The following MYH7B variants were observed in gnomAD, a reference collection of about 807,000 sequenced individuals.
The protein encoded by MYH7B is myosin-7B.
Under a neutral mutation model 234.5 loss-of-function variants are expected in MYH7B, and 205 were observed. The ratio of observed to expected loss-of-function variants is 0.87; its 90% CI spans 0.78 to 0.98. The LOEUF is 0.98. Among genes scored for constraint, MYH7B ranks in the 50% least tolerant of loss-of-function variants. The pLI is 0.00. For missense variants in MYH7B, 2,652 were observed against 2,633.4 expected (o/e 1.01, Z -0.15); for synonymous variants, 1,193 against 1,105.0 (o/e 1.08, Z -1.58).
At chr20:34,983,750 TG>T (rs1191071602) in intron 10 of MYH7B, among the ~76,000 whole-genome samples, 2 of 152,160 alleles carry the variant, frequency 1.3e-5, no homozygotes, top group Non-Finnish European at 2.9e-5. Flanking sequence ...GGGAGTGTAT[TG>T]GGGGGTTCCA....
At chr20:34,997,395 C>T (rs1429025014) in exon 32 of MYH7B, 26 of 1,490,642 alleles carry the variant, frequency 1.7e-5, no homozygotes, top group Admixed American at 5.3e-5. Flanking sequence ...CGCGGGGCAG[C>T]GCGAGGGCTG....
chr20:34,980,908 C>G, intron 8 of MYH7B, 125 bp from the exon 9 acceptor site: 5 of 1,505,350 alleles, frequency 3.3e-6, no homozygotes, highest in African/African-American at 1.4e-5. Flanking sequence ...GGGACAGCCC[C>G]ACCTGCTCCT....
intron 24 of MYH7B, among the ~76,000 whole-genome samples, chr20:34,991,624 T>G (rs2147212703): frequency 6.6e-6 from 1 of 152,238 alleles, no homozygotes; most frequent in East Asian, 1.9e-4. Context: ...AGGATGCAGA[T>G]TTGGGAGTTG....
intron 35 of MYH7B, 56 bp downstream of exon 35, chr20:34,998,971 GC>G: frequency 6.3e-7 from 1 of 1,586,214 alleles, no homozygotes; most frequent in Admixed American, 1.7e-5. Flanking sequence ...CTGTGCCTGA[GC>G]CCCGCTGAGG....
Position 34,996,712 on chromosome 20 carries a change from G to C in MYH7B, c.3220G>C (p.Ala1074Pro), listed in dbSNP as rs749187977. The C allele has an allele frequency of 1.9e-6, 3 of 1,613,548 alleles. No homozygotes were observed. In the South Asian group the frequency reaches 3.3e-5, roughly 18 times the overall value. The stretch of plus-strand genomic sequence containing the variant: ...CCTGAAGCTGACGCAGGAGTCGGTG[G>C]CTGATGCTGCTCAAGACAAGCAGCA... The change falls in exon 30 of 45, where the codon GCT (alanine) becomes CCT (proline). Residue 1074 changes from alanine (A) to proline (P), a missense_variant. Physicochemically the swap from Ala to Pro is conservative, Grantham distance 27. Transcript: ENST00000262873.
intron 9 of MYH7B, 107 bp downstream of exon 9, chr20:34,981,167 G>A: frequency 7.2e-7 from 1 of 1,392,712 alleles, no homozygotes. Flanking sequence ...CTTAGGCCAG[G>A]ACTTTTACCA....
At chr20:34,993,685 T>C (rs1480281292) in intron 26 of MYH7B, among the ~76,000 whole-genome samples, 2 of 152,238 alleles carry the variant, frequency 1.3e-5, no homozygotes, top group African/African-American at 4.8e-5. Context: ...CATCAGCGTG[T>C]GGCCCGGAGG....
rs542595813 is a variant in MYH7B at position 34,988,256 on chromosome 20, C to T, written c.1581C>T (p.Ile527=). 1.5e-4 allele frequency: 235 copies of T among 1,611,482 alleles called. 2 individuals carry two copies. In the South Asian group the frequency reaches 2.4e-3, roughly 16 times the overall value. Reference sequence around the variant, plus strand: ...ACCTGCAGCCTTGCATCGACCTCATCGAGAAGGTGGGTGCCGCGGCAAGGT... The same window carrying T: ...ACCTGCAGCCTTGCATCGACCTCATTGAGAAGGTGGGTGCCGCGGCAAGGT... Residue 527 remains isoleucine (I), a synonymous_variant, in exon 19 of 45, where the codon ATC becomes ATT. Transcript: ENST00000262873.
At chr20:34,987,564 C>A (rs1419770105) in exon 17 of MYH7B, 4 of 1,612,310 alleles carry the variant, frequency 2.5e-6, no homozygotes, top group Non-Finnish European at 3.4e-6. Flanking sequence ...CAGGTGCTGA[C>A]AAGGCTGCCT....
rs959007207 is a variant in MYH7B, at chr20:34,967,144, G to A, written c.-221-8256G>A. Among the ~76,000 whole-genome samples, 6 of 151,896 alleles carry A rather than the reference G, an allele frequency of 4.0e-5. No individual in the cohort carries two copies. The East Asian group carries it at 9.7e-4, about 25-fold the overall frequency. On this transcript the variant is annotated intron_variant, in intron 2 of 44. Coordinates refer to ENST00000262873, the Ensembl canonical transcript of MYH7B. ...CTGGGGAGGCTGAGGCAGGAGAATC[G>A]CTTGAACCCAGGAGGCGGAGGTTGT...
chr20:34,979,785 A>G (rs766198542), exon 7 of MYH7B: 4 of 1,613,624 alleles, frequency 2.5e-6, no homozygotes, highest in South Asian at 1.1e-5. Flanking sequence ...CGCCAGCGCT[A>G]TGCCCGCTGG....
chr20:34,998,141 C>G (rs953274787), intron 32 of MYH7B, among the ~76,000 whole-genome samples, 154 bp from the exon 33 acceptor site: 6 of 152,242 alleles, frequency 3.9e-5, no homozygotes, highest in African/African-American at 1.4e-4. Context: ...AGTAGAATCT[C>G]TTTCCCTGAC....
intron 7 of MYH7B, 191 bp downstream of exon 7, chr20:34,979,995 G>A (rs921857058): frequency 5.6e-5 from 35 of 629,660 alleles, no homozygotes; most frequent in African/African-American, 1.5e-4. Flanking sequence ...AGCAGTGGGG[G>A]CGGGGCTGGA....
intron 26 of MYH7B, 79 bp from the exon 27 acceptor site, chr20:34,994,067 A>G (rs2082206057): frequency 6.5e-7 from 1 of 1,548,600 alleles, no homozygotes; most frequent in Non-Finnish European, 8.8e-7. Context: ...GGAAGGCAAA[A>G]CAAGTGAACT....
At chr20:34,990,530 G>A (rs1478786709) in intron 22 of MYH7B, 4 of 820,700 alleles carry the variant, frequency 4.9e-6, no homozygotes, top group South Asian at 1.4e-5. Context: ...CTGGGGCTCT[G>A]GGAGGGACGG....
At chr20:34,987,907 T>A in exon 18 of MYH7B, 2 of 1,597,854 alleles carry the variant, frequency 1.3e-6, no homozygotes, top group Non-Finnish European at 1.7e-6. Flanking sequence ...GGGTTTGAGA[T>A]CTTTGAGGTG....
chr20:34,956,153 GCAGGGGCCCATAGTACGT>G (rs953506265), intron 1 of MYH7B, 146 bp downstream of exon 1: 58 of 152,392 alleles, frequency 3.8e-4, no homozygotes, highest in African/African-American at 1.3e-3. Flanking sequence ...CCAAGGAGGG[GCAGGGGCCCATAGTACGT>G]CAGGGGCTGA....
rs2082114475 is a variant in MYH7B, at chr20:34,990,140, TG to T, written c.1895del (p.Cys632SerfsTer10). On this transcript the variant is annotated frameshift_variant, in exon 21 of 45. Coordinates refer to ENST00000262873, the Ensembl canonical transcript of MYH7B. LOFTEE classifies it high-confidence loss of function. ...TCTCTATGAGAATTATGCGGGCTCC[TG>T]CTCCAGTGAGTATGGAGGGACAAGA... is the stretch of plus-strand genomic sequence containing the variant. The T allele has an allele frequency of 6.2e-7, 1 of 1,614,152 alleles. No individual in the cohort carries two copies. The highest frequency in any genetic ancestry group is 8.5e-7 in the Non-Finnish European group (1 of 1,180,038).
chr20:34,985,411 C>T (rs1387203367), intron 13 of MYH7B, among the ~76,000 whole-genome samples: 1 of 152,110 alleles, frequency 6.6e-6, no homozygotes, highest in Non-Finnish European at 1.5e-5. Context: ...AGGATGGAGA[C>T]CCAAATCCTC....
Sources: gnomAD v4.1 joint callset for allele counts (sites outside exome capture counted in the v4.1 genomes callset) on GRCh38, gnomAD v4.1.1 for gene constraint, MANE v1.5 for transcripts, NCBI Gene and HGNC (gene_info 2026-07-23, HGNC 2026-07-21) for gene names.